Variants in MEIS2 observed in about 807,000 individuals in gnomAD.
The protein encoded by MEIS2 is Meis homeobox 2, also known as homeobox protein Meis2.
A neutral mutation model predicts 58.6 loss-of-function variants in MEIS2; 9 were observed. The ratio of observed to expected loss-of-function variants is 0.15; its 90% CI spans 0.09 to 0.27. MEIS2 has a LOEUF of 0.27. MEIS2 is among the 10% of genes least tolerant of loss of function. MEIS2 has a pLI of 1.00. For synonymous variants in MEIS2, 221 were observed against 228.4 expected (o/e 0.97, Z 0.29); for missense variants, 427 against 635.0 (o/e 0.67, Z 3.52).
chr15:36,901,056 A>G (rs2056444801), intron 9 of MEIS2: 1 of 152,268 alleles, frequency 6.6e-6, no homozygotes, highest in African/African-American at 2.4e-5. Flanking sequence ...GCTGGAATTG[A>G]AGATTCTGCA....
At chr15:37,083,395 T>TTA (rs1892481141) in intron 7 of MEIS2, among the ~76,000 whole-genome samples, 1 of 152,210 alleles carries the variant, frequency 6.6e-6, no homozygotes, top group African/African-American at 2.4e-5. Context: ...TAGAGAATGC[T>TTA]TATAGTTGAT....
At chr15:37,093,829 T>C in intron 5 of MEIS2, 99 bp from the exon 6 acceptor site, 1 of 1,498,600 alleles carries the variant, frequency 6.7e-7, no homozygotes, top group Non-Finnish European at 9.2e-7. Context: ...CAAGGTTACA[T>C]TTGCAAAGAG....
At chr15:37,005,496 C>T (rs970500896) in intron 8 of MEIS2, among the ~76,000 whole-genome samples, 12 of 152,134 alleles carry the variant, frequency 7.9e-5, no homozygotes, top group Non-Finnish European at 1.0e-4. Context: ...TTCCTGCTGA[C>T]GCACCACCAT....
At chr15:36,943,122 G>T (rs2058432869) in intron 9 of MEIS2, among the ~76,000 whole-genome samples, 1 of 152,104 alleles carries the variant, frequency 6.6e-6, no homozygotes, top group Middle Eastern at 3.2e-3. Flanking sequence ...TGGGATAATT[G>T]TGTAATATTT....
At chr15:37,056,796 C>A (rs951079110) in intron 7 of MEIS2, among the ~76,000 whole-genome samples, 1 of 152,212 alleles carries the variant, frequency 6.6e-6, no homozygotes, top group Non-Finnish European at 1.5e-5. Flanking sequence ...CAGGCGGGGG[C>A]CCTGACCCCC....
intron 1 of MEIS2, chr15:37,098,441 CAAA>C: frequency 8.6e-7 from 1 of 1,157,180 alleles, no homozygotes; most frequent in Non-Finnish European, 1.1e-6. Context: ...AAAATAAAAA[CAAA>C]GTCAGAAAGG....
chr15:36,935,148 T>G (rs942618097), intron 9 of MEIS2, among the ~76,000 whole-genome samples: 2 of 152,024 alleles, frequency 1.3e-5, no homozygotes, highest in African/African-American at 4.8e-5. Flanking sequence ...TGTTTTCAGT[T>G]AGTATTATCT....
intron 9 of MEIS2, among the ~76,000 whole-genome samples, chr15:36,912,068 C>T (rs1325864054): frequency 6.6e-6 from 1 of 151,984 alleles, no homozygotes; most frequent in Non-Finnish European, 1.5e-5. Context: ...GATAAAAAAA[C>T]CTCATGACCA....
At chr15:37,008,655 G>A (rs550753792) in intron 8 of MEIS2, among the ~76,000 whole-genome samples, 27 of 152,194 alleles carry the variant, frequency 1.8e-4, no homozygotes, top group African/African-American at 6.3e-4. Flanking sequence ...GTTTTTAACT[G>A]CTAAAAGGTA....
At chr15:37,043,153 G>C (rs575115300) in intron 7 of MEIS2, among the ~76,000 whole-genome samples, 65 of 152,148 alleles carry the variant, frequency 4.3e-4, no homozygotes, top group African/African-American at 1.6e-3. Context: ...CTTCTTTTAG[G>C]GAACTTGTGG....
chr15:37,076,033 G>A (rs1891363819), intron 7 of MEIS2, among the ~76,000 whole-genome samples: 1 of 151,776 alleles, frequency 6.6e-6, no homozygotes, highest in Non-Finnish European at 1.5e-5. Flanking sequence ...CTTTTTTGCT[G>A]GTCCTCAGAA....
intron 4 of MEIS2, chr15:37,094,942 TAAAA>T (rs77378334): frequency 2.4e-5 from 2 of 82,258 alleles, no homozygotes; most frequent in East Asian, 3.4e-4. Flanking sequence ...TTTTTTTCCT[TAAAA>T]AAAAAAAAAA....
At chr15:36,999,899 T>C (rs185954086) in intron 8 of MEIS2, among the ~76,000 whole-genome samples, 123 of 152,304 alleles carry the variant, frequency 8.1e-4, no homozygotes, top group Non-Finnish European at 1.4e-3. Context: ...ACATGCTTTT[T>C]ACACATGAGA....
At chr15:37,084,016 C>T in intron 6 of MEIS2, 131 bp from the exon 7 acceptor site, 1 of 670,068 alleles carries the variant, frequency 1.5e-6, no homozygotes, top group Non-Finnish European at 2.6e-6. Flanking sequence ...GGCATATACG[C>T]ATGCCATGTT....
intron 8 of MEIS2, among the ~76,000 whole-genome samples, chr15:36,976,693 T>A (rs1026047992): frequency 1.3e-5 from 2 of 151,772 alleles, no homozygotes; most frequent in Non-Finnish European, 2.9e-5. Flanking sequence ...AATTAACAGA[T>A]TAATAGAAAA....
rs1215366059 is a variant in MEIS2, at chr15:37,099,221, A to T, written c.12+234T>A. ...GCACTCGCCGCCCGCCCGCTCGCAC[A>T]GCGCTGGAACACGCGCGCCCAGACA... On this transcript the variant is annotated intron_variant, in intron 1 of 11. Transcript: ENST00000561208. 3 of 1,421,800 alleles carry T rather than the reference A, an allele frequency of 2.1e-6. No homozygotes were observed. The East Asian group carries it at 7.7e-5, about 36-fold the overall frequency. 88.1% of individuals were successfully genotyped at this position (1,421,800 alleles called of 1,614,324 possible).
At chr15:36,972,754 T>C (rs908233888) in intron 8 of MEIS2, 1 of 152,150 alleles carries the variant, frequency 6.6e-6, no homozygotes, top group Non-Finnish European at 1.5e-5. Flanking sequence ...TCTTTTTTTC[T>C]AAAGCAGAAT....
chr15:36,935,463 A>G (rs891876868), intron 9 of MEIS2, among the ~76,000 whole-genome samples: 2 of 152,042 alleles, frequency 1.3e-5, no homozygotes, highest in African/African-American at 4.8e-5. Flanking sequence ...AAACATCTCA[A>G]TTCAGTGTCT....
intron 8 of MEIS2, among the ~76,000 whole-genome samples, chr15:37,028,390 C>G (rs1207023886): frequency 6.6e-6 from 1 of 152,124 alleles, no homozygotes; most frequent in East Asian, 1.9e-4. Context: ...CCCTCATAAT[C>G]CAATTCAAAA....
Sources: allele counts gnomAD v4.1 joint callset (sites outside exome capture counted in the v4.1 genomes callset), GRCh38; gene constraint gnomAD v4.1.1; transcripts MANE v1.5; gene names NCBI Gene and HGNC (gene_info 2026-07-23, HGNC 2026-07-21).